The following ZBTB44 variants were observed in gnomAD, a reference collection of about 807,000 sequenced individuals.
The protein encoded by ZBTB44 is zinc finger and BTB domain-containing protein 44.
ZBTB44 carries 15 observed loss-of-function variants against 54.0 expected under a neutral mutation model. The ratio of observed to expected loss-of-function variants is 0.28; its 90% CI spans 0.19 to 0.43. The LOEUF is 0.43. Ranked by LOEUF, ZBTB44 falls within the 20% of genes least tolerant of loss-of-function variation. The probability of loss-of-function intolerance (pLI) is 1.00; values close to 1 mark genes in which losing one functional copy is unlikely to be tolerated. For synonymous variants in ZBTB44, 230 were observed against 250.1 expected, an observed-to-expected ratio of 0.92 and a Z score of 0.76; for missense variants, 487 against 707.1, an observed-to-expected ratio of 0.69 and a Z score of 3.53.
intron 2 of ZBTB44, among the ~76,000 whole-genome samples, chr11:130,256,659 T>C (rs1411224690): frequency 6.6e-6 from 1 of 151,692 alleles, no homozygotes; most frequent in Non-Finnish European, 1.5e-5. Flanking sequence ...GTCTCAAAAA[T>C]AAATAAATAA....
At chr11:130,251,485 A>G (rs569588787) in intron 2 of ZBTB44, among the ~76,000 whole-genome samples, 18 of 152,356 alleles carry the variant, frequency 1.2e-4, no homozygotes, top group African/African-American at 4.3e-4. Flanking sequence ...ACCCCAAGAG[A>G]CATAATCATC....
At chr11:130,235,800 G>A (rs1316421865) in intron 5 of ZBTB44, among the ~76,000 whole-genome samples, 1 of 152,032 alleles carries the variant, frequency 6.6e-6, no homozygotes, top group African/African-American at 2.4e-5. Flanking sequence ...TCAGGGGTTC[G>A]AGATCAGACT....
intron 2 of ZBTB44, among the ~76,000 whole-genome samples, chr11:130,258,688 T>G (rs542297112): frequency 6.6e-6 from 1 of 152,360 alleles, no homozygotes; most frequent in East Asian, 1.9e-4. Context: ...TGACACAGAC[T>G]AGCAGAAGTT....
chr11:130,244,575 G>A (rs554999942), intron 2 of ZBTB44, among the ~76,000 whole-genome samples: 1 of 151,518 alleles, frequency 6.6e-6, no homozygotes, highest in Non-Finnish European at 1.5e-5. Context: ...GCTGAGGCAG[G>A]AGAATGGCGT....
intron 1 of ZBTB44, among the ~76,000 whole-genome samples, chr11:130,268,151 T>G (rs1053511079): frequency 6.7e-5 from 10 of 148,956 alleles, no homozygotes; most frequent in African/African-American, 2.2e-4. Context: ...CCCAGCACTT[T>G]GGGAGGCTGA....
intron 1 of ZBTB44, among the ~76,000 whole-genome samples, chr11:130,312,330 T>C (rs1565345178): frequency 6.6e-6 from 1 of 152,196 alleles, no homozygotes; most frequent in Non-Finnish European, 1.5e-5. Flanking sequence ...AGATCAGTAG[T>C]CAGCACTTTA....
rs547710363 is a variant in ZBTB44 at position 130,281,852 on chromosome 11, G to A, written c.-56-19923C>T. Among the ~76,000 whole-genome samples the A allele has an allele frequency of 1.6e-3, 244 of 152,258 alleles. 5 individuals are homozygous for A. In the South Asian group the frequency reaches 0.035, roughly 22 times the overall value. ...GATCTCCTGGCCTCGTGATCCGCCC[G>A]CCTTGGCCTCCCAAAGTGCTGGGAT... On this transcript the variant is annotated intron_variant, in intron 1 of 7. Coordinates refer to ENST00000357899, the MANE Select transcript of ZBTB44 (RefSeq NM_001301098.2).
chr11:130,282,981 A>G (rs188407341), intron 1 of ZBTB44, among the ~76,000 whole-genome samples: 26 of 151,384 alleles, frequency 1.7e-4, no homozygotes, highest in Admixed American at 1.6e-3. Context: ...ACTAGCTCCA[A>G]TATTTTTTTA....
chr11:130,251,046 G>A (rs1292766848), intron 2 of ZBTB44, among the ~76,000 whole-genome samples: 1 of 152,132 alleles, frequency 6.6e-6, no homozygotes, highest in Non-Finnish European at 1.5e-5. Flanking sequence ...TAAGAACCTT[G>A]ACAAAAGGTT....
chr11:130,287,060 C>T (rs1941010011), intron 1 of ZBTB44, among the ~76,000 whole-genome samples: 8 of 152,328 alleles, frequency 5.3e-5, no homozygotes, highest in Admixed American at 3.9e-4. Flanking sequence ...AATGTGTTCG[C>T]CATCTTGCAA....
intron 2 of ZBTB44, among the ~76,000 whole-genome samples, chr11:130,255,403 C>T (rs1442840125): frequency 1.3e-5 from 2 of 152,214 alleles, no homozygotes; most frequent in Admixed American, 1.3e-4. Context: ...CATGCTAAAG[C>T]ACAGTTGAGA....
intron 1 of ZBTB44, among the ~76,000 whole-genome samples, chr11:130,276,346 G>GTGAACATATTGTATAT (rs1188756870): frequency 1.3e-5 from 2 of 151,924 alleles, no homozygotes; most frequent in Non-Finnish European, 2.9e-5. Flanking sequence ...ATTGTTGCTG[G>GTGAACATATTGTATAT]GTGAAGTGTT....
intron 2 of ZBTB44, among the ~76,000 whole-genome samples, chr11:130,252,565 T>C (rs1938104775): frequency 6.6e-6 from 1 of 152,140 alleles, no homozygotes; most frequent in African/African-American, 2.4e-5. Flanking sequence ...ACGGAAATCG[T>C]AACAAACAGC....
intron 2 of ZBTB44, among the ~76,000 whole-genome samples, chr11:130,242,672 C>T (rs955918625): frequency 7.2e-5 from 11 of 152,298 alleles, no homozygotes; most frequent in Middle Eastern, 6.8e-3. Flanking sequence ...TATCATCCCA[C>T]TGGTTTCTGG....
chr11:130,281,583 ATTG>A (rs1027600467), intron 1 of ZBTB44, among the ~76,000 whole-genome samples: 28 of 150,902 alleles, frequency 1.9e-4, no homozygotes, highest in Non-Finnish European at 2.1e-4. Context: ...AAGTAGTTTT[ATTG>A]TTGTTGTTGT....
At chr11:130,234,344 G>T in intron 5 of ZBTB44, 71 bp from the exon 6 acceptor site, 1 of 1,404,692 alleles carries the variant, frequency 7.1e-7, no homozygotes, top group Admixed American at 2.9e-5. Context: ...ACAGTAAAAA[G>T]CTCTGATTTA....
rs1212985918 is a variant in ZBTB44 at position 130,296,231 on chromosome 11, T to C, written c.-57+18144A>G. On this transcript the variant is annotated intron_variant, in intron 1 of 7. Transcript: ENST00000357899. ...TTAGTGTTGATGATGATAAAGCTAA[T>C]ACAACAGTGGATGGTCTTGAGCAGG... is the stretch of plus-strand genomic sequence containing the variant. 24 of 1,308,866 alleles carry C rather than the reference T, an allele frequency of 1.8e-5. No homozygotes were observed. The East Asian group carries it at 5.5e-4, about 30-fold the overall frequency. 81.1% of individuals were successfully genotyped at this position (1,308,866 alleles called of 1,614,324 possible). A position where few individuals can be genotyped will look rare whatever the true frequency, so the allele number is the denominator to read the frequency against.
intron 1 of ZBTB44, among the ~76,000 whole-genome samples, chr11:130,284,404 CAACA>C (rs933014592): frequency 1.3e-5 from 2 of 152,186 alleles, no homozygotes; most frequent in Non-Finnish European, 2.9e-5. Context: ...CATGGTACCT[CAACA>C]AACATTTACT....
At chr11:130,278,097 A>C (rs1439729988) in intron 1 of ZBTB44, among the ~76,000 whole-genome samples, 3 of 152,292 alleles carry the variant, frequency 2.0e-5, no homozygotes, top group African/African-American at 4.8e-5. Flanking sequence ...TACTTAGAAA[A>C]AGATTTTCAG....
Sources: gnomAD v4.1 joint callset for allele counts (sites outside exome capture counted in the v4.1 genomes callset) on GRCh38, gnomAD v4.1.1 for gene constraint, MANE v1.5 for transcripts, NCBI Gene and HGNC (gene_info 2026-07-23, HGNC 2026-07-21) for gene names.